LYRM4: variants seen among roughly 807,000 people sequenced by gnomAD.
LYRM4 encodes the protein LYR motif-containing protein 4.
A neutral mutation model predicts 11.7 loss-of-function variants in LYRM4; 9 were observed. The observed-to-expected ratio is 0.77, with a 90% CI of 0.46 to 1.34. LYRM4 has a LOEUF of 1.34. Among genes scored for constraint, LYRM4 ranks in the 40% most tolerant of loss-of-function variants. The pLI, the probability that LYRM4 is intolerant of heterozygous loss-of-function variation, is 0.00. For missense variants in LYRM4, 133 were observed against 112.5 expected (o/e 1.18, Z -0.82); for synonymous variants, 42 against 40.4 (o/e 1.04, Z -0.15).
the LYRM4 span, among the ~76,000 whole-genome samples, chr6:5,055,680 C>T: frequency 6.6e-6 from 1 of 152,164 alleles, no homozygotes. This position sits in a 1 kb window ranked among gnomAD's most constrained non-coding sequence, Gnocchi z 4.5. Flanking sequence ...ACCCTCCACC[C>T]CTAAACCACT....
At chr6:5,237,347 A>C (rs1352440372) in intron 1 of LYRM4, among the ~76,000 whole-genome samples, 1 of 151,914 alleles carries the variant, frequency 6.6e-6, no homozygotes, top group Non-Finnish European at 1.5e-5. Flanking sequence ...ACTCCCTATG[A>C]GAATCTAACG....
intron 2 of LYRM4, among the ~76,000 whole-genome samples, chr6:5,209,181 T>A (rs928067668): frequency 2.6e-5 from 4 of 152,144 alleles, no homozygotes; most frequent in African/African-American, 9.7e-5. Context: ...GCAACTTCCA[T>A]CTCCCAGGTT....
chr6:5,236,930 C>T (rs1418537573), intron 1 of LYRM4, among the ~76,000 whole-genome samples: 3 of 152,036 alleles, frequency 2.0e-5, no homozygotes, highest in African/African-American at 4.8e-5. Flanking sequence ...GCATTCCAGC[C>T]AGAGTGACAG....
In LYRM4 at chr6:5,210,458, T is replaced by TAAAA. The variant is rs879752938; in HGVS notation, c.207+6156_207+6159dup. On this transcript the variant is annotated intron_variant, in intron 2 of 2. Coordinates refer to ENST00000330636, the MANE Select transcript of LYRM4 (RefSeq NM_020408.6). The stretch of plus-strand genomic sequence containing the variant: ...AAGAATTTAATTTCATGCTTCCAGT[T>TAAAA]AAAAAAAAAAACCAATGACTGGCTA... Among the ~76,000 whole-genome samples the TAAAA allele has an allele frequency of 2.7e-5, 4 of 145,784 alleles. 1 individual carries two copies. Among genetic ancestry groups the TAAAA allele is most frequent in the African/African-American group, 1.0e-4 (4 of 39,974 alleles).
chr6:5,114,221 A>G (rs764371618), intron 2 of LYRM4, among the ~76,000 whole-genome samples: 61 of 152,350 alleles, frequency 4.0e-4, no homozygotes, highest in East Asian at 3.9e-4. Flanking sequence ...GCACTGTAAG[A>G]TAAGTTTGAT....
the LYRM4 span, among the ~76,000 whole-genome samples, chr6:5,045,259 A>G: frequency 6.6e-6 from 1 of 152,248 alleles, no homozygotes; most frequent in African/African-American, 2.4e-5. Context: ...TAGTCCATCC[A>G]TACAATGAAA....
chr6:5,061,861 C>T, the LYRM4 span, among the ~76,000 whole-genome samples: 1 of 152,086 alleles, frequency 6.6e-6, no homozygotes, highest in Admixed American at 6.6e-5. Context: ...AATATTTATG[C>T]CATAATTGAG....
the LYRM4 span, among the ~76,000 whole-genome samples, chr6:5,065,591 C>CA: frequency 6.6e-6 from 1 of 152,204 alleles, no homozygotes; most frequent in Non-Finnish European, 1.5e-5. Flanking sequence ...TTGAAGTTTT[C>CA]ACTTTATTCA....
the LYRM4 span, among the ~76,000 whole-genome samples, chr6:5,048,788 A>G: frequency 6.6e-6 from 1 of 152,200 alleles, no homozygotes; most frequent in East Asian, 1.9e-4. Flanking sequence ...GTATGTACCT[A>G]AAGTGAGGAG....
At chr6:5,160,665 C>CA (rs1177651453) in intron 2 of LYRM4, among the ~76,000 whole-genome samples, 3 of 150,624 alleles carry the variant, frequency 2.0e-5, no homozygotes, top group Non-Finnish European at 4.4e-5. Context: ...CCCCCCCCAG[C>CA]AATGTGGAAC....
At chr6:5,168,153 G>T (rs1325602284) in intron 2 of LYRM4, among the ~76,000 whole-genome samples, 1 of 151,230 alleles carries the variant, frequency 6.6e-6, no homozygotes, top group Non-Finnish European at 1.5e-5. Context: ...AGAGGAAGGA[G>T]GAAAGAAGAA....
intron 2 of LYRM4, among the ~76,000 whole-genome samples, chr6:5,166,080 C>T (rs896260067): frequency 6.6e-6 from 1 of 151,990 alleles, no homozygotes; most frequent in Non-Finnish European, 1.5e-5. Flanking sequence ...AAAATAAATT[C>T]GGACACATGA....
At chr6:5,212,204 G>C (rs537278457) in intron 2 of LYRM4, among the ~76,000 whole-genome samples, 1 of 152,318 alleles carries the variant, frequency 6.6e-6, no homozygotes, top group East Asian at 1.9e-4. Context: ...AAAAACCAAA[G>C]GGGTGTGGCA....
intron 1 of LYRM4, chr6:5,240,486 T>C (rs1361714555): frequency 1.3e-5 from 2 of 151,742 alleles, no homozygotes; most frequent in Non-Finnish European, 2.9e-5. Context: ...TCTATTAAAA[T>C]ACCAACTGTG....
chr6:5,073,075 T>C, the LYRM4 span, among the ~76,000 whole-genome samples: 1 of 152,084 alleles, frequency 6.6e-6, no homozygotes, highest in Non-Finnish European at 1.5e-5. Context: ...ATGTCAGTTA[T>C]TAAAAAATGT....
At chr6:5,081,134 CGG>C in the LYRM4 span, among the ~76,000 whole-genome samples, 195 of 125,994 alleles carry the variant, frequency 1.5e-3, 2 homozygotes, top group African/African-American at 6.5e-3. Flanking sequence ...CACACTTGGG[CGG>C]GGGGGGGGGG....
the LYRM4 span, among the ~76,000 whole-genome samples, chr6:5,044,128 T>G: frequency 2.0e-5 from 3 of 152,056 alleles, no homozygotes; most frequent in Non-Finnish European, 4.4e-5. Context: ...TTTTTTTGTT[T>G]GTTTGTTTTT....
chr6:5,130,101 A>C (rs975244725), intron 2 of LYRM4, among the ~76,000 whole-genome samples: 3 of 152,218 alleles, frequency 2.0e-5, no homozygotes, highest in African/African-American at 7.2e-5. Flanking sequence ...GGAATTCTGG[A>C]ACTGTGGAGC....
chr6:5,210,764 C>T (rs1407609927), intron 2 of LYRM4, among the ~76,000 whole-genome samples: 1 of 152,132 alleles, frequency 6.6e-6, no homozygotes, highest in Admixed American at 6.6e-5. Flanking sequence ...TGGAATCATA[C>T]AGTATCTTTT....
Sources: gnomAD v4.1 joint callset for allele counts (sites outside exome capture counted in the v4.1 genomes callset) on GRCh38, gnomAD v4.1.1 for gene constraint, Gnocchi (gnomAD v3.1) non-coding constraint, MANE v1.5 for transcripts, NCBI Gene and HGNC (gene_info 2026-07-23, HGNC 2026-07-21) for gene names.